The following NAALADL2 variants were observed in gnomAD, a reference collection of about 807,000 sequenced individuals.
NAALADL2 encodes the protein inactive N-acetylated-alpha-linked acidic dipeptidase-like protein 2.
In NAALADL2, 76 loss-of-function variants were observed where a neutral mutation model predicts 87.2. That is an observed-to-expected ratio of 0.87 (90% CI 0.72 to 1.05). The LOEUF is 1.05. Among genes scored for constraint, NAALADL2 ranks in the 50% least tolerant of loss-of-function variants. NAALADL2 has a pLI of 0.00. For missense variants in NAALADL2, 1,089 were observed against 945.8 expected, an observed-to-expected ratio of 1.15 and a Z score of -1.99; for synonymous variants, 354 against 331.0, an observed-to-expected ratio of 1.07 and a Z score of -0.75.
chr3:174,626,075 T>C lies in NAALADL2; in HGVS notation c.-115+75438T>C, dbSNP rs1037609689. Among the ~76,000 whole-genome samples the C allele has an allele frequency of 6.2e-5, 9 of 144,056 alleles. 1 individual carries two copies. The highest frequency in any genetic ancestry group is 2.3e-4 in the African/African-American group (9 of 38,996). The allele number at this position is 144,056 out of a possible 152,430, so 94.5% of individuals were successfully genotyped here. A position where few individuals can be genotyped will look rare whatever the true frequency, so the allele number is the denominator to read the frequency against. On this transcript the variant is annotated intron_variant, in intron 2 of 3. Transcript: ENST00000434257. ...GCACAACTAGATATTCCTATGCATA[T>C]GTATAACTATAGATTTTTTTTTTTT... is the stretch of plus-strand genomic sequence containing the variant.
chr3:175,648,772 TA>T (rs1448550725), intron 11 of NAALADL2, among the ~76,000 whole-genome samples: 1 of 152,160 alleles, frequency 6.6e-6, no homozygotes, highest in East Asian at 1.9e-4. Context: ...CAGTGTAGCT[TA>T]AAAAGGTATT....
At chr3:175,378,400 G>C (rs1767410690) in intron 5 of NAALADL2, among the ~76,000 whole-genome samples, 1 of 152,242 alleles carries the variant, frequency 6.6e-6, no homozygotes. Context: ...AAGGGGTCAA[G>C]TAAATATCCT....
chr3:175,793,466 C>T (rs967639808), intron 13 of NAALADL2, among the ~76,000 whole-genome samples: 18 of 151,288 alleles, frequency 1.2e-4, no homozygotes, highest in East Asian at 1.9e-4. Context: ...CCCGCCACCG[C>T]GCCCGGCTAA....
chr3:175,347,735 C>G (rs1436630857), intron 5 of NAALADL2, among the ~76,000 whole-genome samples: 2 of 152,048 alleles, frequency 1.3e-5, no homozygotes, highest in Non-Finnish European at 2.9e-5. Context: ...ATACCGATTT[C>G]TTTTTTTATT....
At chr3:174,676,109 G>T (rs1727009489) in intron 2 of NAALADL2, among the ~76,000 whole-genome samples, 1 of 151,976 alleles carries the variant, frequency 6.6e-6, no homozygotes, top group Non-Finnish European at 1.5e-5. Context: ...GCTGATCTTA[G>T]ATTTATACCA....
intron 1 of NAALADL2, among the ~76,000 whole-genome samples, chr3:175,050,766 A>G (rs6788451): frequency 0.33 from 50,300 of 152,018 alleles, 8,545 homozygotes; most frequent in Middle Eastern, 0.45. Context: ...TAATATTACC[A>G]TTATATTTTA....
chr3:174,806,396 G>A (rs977945578), intron 3 of NAALADL2, among the ~76,000 whole-genome samples: 2 of 152,166 alleles, frequency 1.3e-5, no homozygotes, highest in Non-Finnish European at 2.9e-5. Flanking sequence ...GTCGGTCAAT[G>A]GATGTGGGAG....
chr3:175,571,356 A>G (rs537883018), intron 9 of NAALADL2, among the ~76,000 whole-genome samples: 3 of 152,320 alleles, frequency 2.0e-5, no homozygotes, highest in East Asian at 1.9e-4. Context: ...CTTGTTATCA[A>G]ACATTAAATA....
At chr3:174,558,431 A>G (rs955732290) in intron 2 of NAALADL2, among the ~76,000 whole-genome samples, 7 of 152,072 alleles carry the variant, frequency 4.6e-5, no homozygotes, top group African/African-American at 1.4e-4. Flanking sequence ...TTTACAACTC[A>G]TCATAATGTA....
At chr3:175,221,506 T>C (rs1743363551) in intron 2 of NAALADL2, among the ~76,000 whole-genome samples, 1 of 152,152 alleles carries the variant, frequency 6.6e-6, no homozygotes, top group African/African-American at 2.4e-5. Flanking sequence ...TTCTTGTTTT[T>C]CTTTTTCTGC....
chr3:174,606,193 A>C (rs376432406), intron 2 of NAALADL2, among the ~76,000 whole-genome samples: 3 of 152,286 alleles, frequency 2.0e-5, no homozygotes, highest in Admixed American at 6.5e-5. Flanking sequence ...CAAAGACCGA[A>C]AGTAGATAAA....
intron 9 of NAALADL2, among the ~76,000 whole-genome samples, chr3:175,516,114 G>A (rs1467314437): frequency 6.6e-6 from 1 of 152,202 alleles, no homozygotes; most frequent in East Asian, 1.9e-4. Flanking sequence ...TGACAGTTAG[G>A]AAACAAAGTC....
chr3:174,641,847 C>T (rs1016585616), intron 2 of NAALADL2, among the ~76,000 whole-genome samples: 35 of 152,148 alleles, frequency 2.3e-4, no homozygotes, highest in African/African-American at 7.7e-4. Flanking sequence ...GCCTCAACCT[C>T]CCGGGCTCAA....
chr3:175,682,111 A>G (rs560570886), intron 11 of NAALADL2, among the ~76,000 whole-genome samples: 1 of 152,204 alleles, frequency 6.6e-6, no homozygotes, highest in African/African-American at 2.4e-5. Flanking sequence ...TCTAAAGAGG[A>G]GACACTACAA....
intron 3 of NAALADL2, among the ~76,000 whole-genome samples, chr3:174,810,679 T>A: frequency 6.6e-6 from 1 of 151,890 alleles, no homozygotes; most frequent in East Asian, 1.9e-4. Context: ...ACCTGCAGCC[T>A]GGCCATGTGG....
chr3:174,691,448 C>A (rs891315099), intron 2 of NAALADL2, among the ~76,000 whole-genome samples: 7 of 140,796 alleles, frequency 5.0e-5, no homozygotes, highest in Non-Finnish European at 7.9e-5. Flanking sequence ...AAAAAAAAAA[C>A]TGAATTGCTA....
chr3:175,055,411 A>G (rs529474356), intron 1 of NAALADL2, among the ~76,000 whole-genome samples: 1 of 152,220 alleles, frequency 6.6e-6, no homozygotes, highest in Non-Finnish European at 1.5e-5. Context: ...TCCCTCTGGC[A>G]AGGGTCCACA....
chr3:174,588,870 T>G (rs923752820), intron 2 of NAALADL2, among the ~76,000 whole-genome samples: 1 of 152,092 alleles, frequency 6.6e-6, no homozygotes, highest in East Asian at 1.9e-4. Context: ...GATCTCAAAC[T>G]CCATGCTATG....
intron 2 of NAALADL2, among the ~76,000 whole-genome samples, chr3:174,651,224 C>T (rs760892218): frequency 6.6e-6 from 1 of 152,096 alleles, no homozygotes; most frequent in African/African-American, 2.4e-5. Context: ...TATCAGTGCT[C>T]GTAATTAAGT....
Sources: gnomAD v4.1 joint callset for allele counts (sites outside exome capture counted in the v4.1 genomes callset) on GRCh38, gnomAD v4.1.1 for gene constraint, MANE v1.5 for transcripts, NCBI Gene and HGNC (gene_info 2026-07-23, HGNC 2026-07-21) for gene names.